NRXN1: variants seen among roughly 807,000 people sequenced by gnomAD.
The protein encoded by NRXN1 is neurexin-1.
Under a neutral mutation model 150.9 loss-of-function variants are expected in NRXN1, and 39 were observed. The ratio of observed to expected loss-of-function variants is 0.26; its 90% CI spans 0.20 to 0.34. The LOEUF (loss-of-function observed/expected upper bound fraction) is 0.34. Ranked by LOEUF, NRXN1 falls within the 10% of genes least tolerant of loss-of-function variation. The probability of loss-of-function intolerance (pLI) is 1.00; values close to 1 mark genes in which losing one functional copy is unlikely to be tolerated. For synonymous variants in NRXN1, 924 were observed against 757.0 expected (o/e 1.22, Z -3.62); for missense variants, 1,815 against 1,949.9 (o/e 0.93, Z 1.30).
intron 2 of NRXN1, among the ~76,000 whole-genome samples, chr2:50,980,613 T>C (rs569463199): frequency 1.3e-5 from 2 of 152,256 alleles, no homozygotes; most frequent in East Asian, 3.9e-4. Context: ...GTTTCTATTA[T>C]GAAGCAAATT....
At chr2:50,002,473 C>A (rs1684107711) in intron 21 of NRXN1, among the ~76,000 whole-genome samples, 1 of 152,002 alleles carries the variant, frequency 6.6e-6, no homozygotes, top group Non-Finnish European at 1.5e-5. Context: ...TCATGAATGG[C>A]AAGAATATTA....
chr2:50,073,256 T>G (rs1163286117), intron 19 of NRXN1, among the ~76,000 whole-genome samples: 8 of 152,214 alleles, frequency 5.3e-5, no homozygotes, highest in African/African-American at 1.9e-4. Context: ...TGAAATCATG[T>G]GTTATCTGCA....
At chr2:49,986,598 C>CT (rs1226231490) in intron 21 of NRXN1, among the ~76,000 whole-genome samples, 1 of 151,910 alleles carries the variant, frequency 6.6e-6, no homozygotes, top group Admixed American at 6.6e-5. Flanking sequence ...AAAGTTTTTT[C>CT]TTTTTTTGTT....
intron 2 of NRXN1, among the ~76,000 whole-genome samples, chr2:50,944,538 A>G (rs1426780645): frequency 6.6e-6 from 1 of 152,220 alleles, no homozygotes; most frequent in African/African-American, 2.4e-5. Context: ...ATTTTGTATA[A>G]GAAAACAGGA....
intron 18 of NRXN1, among the ~76,000 whole-genome samples, chr2:50,149,532 C>A (rs2058576374): frequency 6.6e-6 from 1 of 151,510 alleles, no homozygotes; most frequent in Admixed American, 6.6e-5. Flanking sequence ...TAAGTGACAC[C>A]CTCAGCAAAA....
chr2:50,025,207 C>A (rs563654200), intron 21 of NRXN1, among the ~76,000 whole-genome samples: 1 of 152,080 alleles, frequency 6.6e-6, no homozygotes, highest in African/African-American at 2.4e-5. Context: ...CTTTACTAAC[C>A]CACTACACCT....
chr2:50,275,401 A>T (rs1382365830), intron 17 of NRXN1, among the ~76,000 whole-genome samples: 1 of 152,232 alleles, frequency 6.6e-6, no homozygotes, highest in Non-Finnish European at 1.5e-5. Context: ...TTTATTCAGC[A>T]CATGCATTTC....
chr2:50,937,797 A>G (rs984384359), intron 2 of NRXN1, among the ~76,000 whole-genome samples: 8 of 152,122 alleles, frequency 5.3e-5, no homozygotes, highest in Admixed American at 1.3e-4. Context: ...TAAAGATCCA[A>G]TTGGGTGCTA....
At chr2:50,741,795 T>C (rs1699462876) in intron 5 of NRXN1, among the ~76,000 whole-genome samples, 1 of 152,148 alleles carries the variant, frequency 6.6e-6, no homozygotes, top group Non-Finnish European at 1.5e-5. Flanking sequence ...GATGACTTAG[T>C]ATGGAACCCT....
At chr2:50,333,883 T>A (rs545437386) in intron 17 of NRXN1, among the ~76,000 whole-genome samples, 1 of 152,184 alleles carries the variant, frequency 6.6e-6, no homozygotes, top group Non-Finnish European at 1.5e-5. Context: ...ATATTGTGAA[T>A]GAGGAGGCTG....
intron 5 of NRXN1, among the ~76,000 whole-genome samples, chr2:50,916,471 G>T (rs1685229250): frequency 6.6e-6 from 1 of 150,478 alleles, no homozygotes; most frequent in South Asian, 2.1e-4. Context: ...AAGTGTTGAT[G>T]GTTGTTAAAA....
At chr2:50,951,900 C>G in intron 2 of NRXN1, among the ~76,000 whole-genome samples, 1 of 143,186 alleles carries the variant, frequency 7.0e-6, no homozygotes, top group African/African-American at 2.6e-5. Flanking sequence ...ACTGGATTAT[C>G]TATGAATTTC....
At position 50,507,133 on chromosome 2, in the gene NRXN1, G is replaced by A. The variant is rs192720266; in HGVS notation, c.2375-516C>T. On this transcript the variant is annotated intron_variant, in intron 12 of 22. Coordinates refer to ENST00000401669, the MANE Select transcript of NRXN1 (RefSeq NM_001330078.2). ...AGTCTCCCAGTAGACTCTGGGAGAA[G>A]GTACTATCTTGTGTGATGGCGGCTA... Among the ~76,000 whole-genome samples the A allele has an allele frequency of 3.1e-3, 473 of 152,270 alleles. 2 individuals carry two copies. The highest frequency in any genetic ancestry group is 4.8e-3 in the Non-Finnish European group (329 of 68,012).
intron 18 of NRXN1, among the ~76,000 whole-genome samples, chr2:50,198,822 G>A (rs895913298): frequency 3.3e-5 from 5 of 152,012 alleles, no homozygotes; most frequent in African/African-American, 1.2e-4. Flanking sequence ...AATTTCTTCT[G>A]AAGAACCCCC....
At chr2:50,686,487 A>G (rs571925324) in intron 5 of NRXN1, among the ~76,000 whole-genome samples, 5 of 152,318 alleles carry the variant, frequency 3.3e-5, no homozygotes, top group African/African-American at 1.2e-4. Context: ...TTAGGAGAAA[A>G]TCACCTTTCT....
At chr2:50,318,678 T>C (rs186592535) in intron 17 of NRXN1, among the ~76,000 whole-genome samples, 2 of 152,278 alleles carry the variant, frequency 1.3e-5, no homozygotes, top group African/African-American at 2.4e-5. Context: ...ATAAAACTAC[T>C]ATTATTCCAT....
chr2:50,012,693 G>C (rs964552709), intron 21 of NRXN1, among the ~76,000 whole-genome samples: 6 of 152,044 alleles, frequency 3.9e-5, no homozygotes, highest in Admixed American at 2.6e-4. Flanking sequence ...CTGAATAAAT[G>C]AAACTCTACA....
intron 5 of NRXN1, among the ~76,000 whole-genome samples, chr2:50,692,105 T>C (rs1692170882): frequency 6.6e-6 from 1 of 150,862 alleles, no homozygotes; most frequent in Non-Finnish European, 1.5e-5. Context: ...TAATCCTTGC[T>C]AATTTCCCCT....
At chr2:50,564,903 A>G (rs1669625457) in intron 8 of NRXN1, among the ~76,000 whole-genome samples, 1 of 152,140 alleles carries the variant, frequency 6.6e-6, no homozygotes, top group African/African-American at 2.4e-5. Flanking sequence ...TTATTTAATG[A>G]ATGGGGTTTT....
Sources: gnomAD v4.1 joint callset for allele counts (sites outside exome capture counted in the v4.1 genomes callset) on GRCh38, gnomAD v4.1.1 for gene constraint, MANE v1.5 for transcripts, NCBI Gene and HGNC (gene_info 2026-07-23, HGNC 2026-07-21) for gene names.